SLC27A2: variants seen among roughly 807,000 people sequenced by gnomAD.
The protein encoded by SLC27A2 is long-chain fatty acid transport protein 2.
In SLC27A2, 54 loss-of-function variants were observed where a neutral mutation model predicts 60.0. That is an observed-to-expected ratio of 0.90 (90% confidence interval 0.72 to 1.13). The LOEUF (loss-of-function observed/expected upper bound fraction) is 1.13, where lower values mean the gene tolerates loss of function less well. Ranked by LOEUF, SLC27A2 falls within the 50% of genes most tolerant of loss-of-function variation. The pLI, the probability that SLC27A2 is intolerant of heterozygous loss-of-function variation, is 0.00. For missense variants in SLC27A2, 739 were observed against 777.6 expected (o/e 0.95, Z 0.59); for synonymous variants, 297 against 297.6 (o/e 1.00, Z 0.02).
At chr15:50,201,238 C>A (rs924602640) in intron 2 of SLC27A2, among the ~76,000 whole-genome samples, 1 of 152,168 alleles carries the variant, frequency 6.6e-6, no homozygotes, top group Non-Finnish European at 1.5e-5. Context: ...CCTGCCTCAG[C>A]CTCCCAAATT....
intron 3 of SLC27A2, among the ~76,000 whole-genome samples, chr15:50,204,680 T>C (rs896239891): frequency 1.3e-5 from 2 of 148,490 alleles, no homozygotes; most frequent in Non-Finnish European, 3.0e-5. Context: ...TTGCAGTGAG[T>C]CGAGATGGCA....
chr15:50,227,584 G>A (rs928779462), intron 7 of SLC27A2, among the ~76,000 whole-genome samples: 5 of 152,268 alleles, frequency 3.3e-5, no homozygotes, highest in South Asian at 2.1e-4. Flanking sequence ...TGAGGGGTTC[G>A]GAGCCCCTTC....
chr15:50,221,528 G>A (rs1435405259), intron 4 of SLC27A2, among the ~76,000 whole-genome samples: 1 of 152,212 alleles, frequency 6.6e-6, no homozygotes, highest in East Asian at 1.9e-4. Flanking sequence ...CCAATTCAGA[G>A]TTTGCCTTGG....
intron 4 of SLC27A2, among the ~76,000 whole-genome samples, chr15:50,217,568 G>A (rs979885328): frequency 1.3e-5 from 2 of 152,096 alleles, no homozygotes; most frequent in Admixed American, 1.3e-4. Flanking sequence ...AAAGACATTG[G>A]ACATGGGCTC....
rs754142768 is a variant in SLC27A2, at chr15:50,182,870, AGTGCTGCGGGGCGAAG to A, written c.451_466del (p.Gly151TrpfsTer27). ...GCGAAGTCCCTGCTGCACTGCTTCCAGTGCTGCGGGGCGAAGGTGCTGCTGGTGTCGCCAGGTGAGC... is the reference window on the plus strand; with the variant it reads ...GCGAAGTCCCTGCTGCACTGCTTCCAGTGCTGCTGGTGTCGCCAGGTGAGC... On this transcript the variant is annotated frameshift_variant, in exon 1 of 10. Coordinates refer to ENST00000267842, the MANE Select transcript of SLC27A2 (RefSeq NM_003645.4). LOFTEE classifies it high-confidence loss of function. 3 of 1,612,010 alleles carry A rather than the reference AGTGCTGCGGGGCGAAG, an allele frequency of 1.9e-6. No individual in the cohort carries two copies. The highest frequency in any genetic ancestry group is 1.7e-6 in the Non-Finnish European group (2 of 1,179,516).
chr15:50,223,539 T>A (rs1189591254), intron 5 of SLC27A2, among the ~76,000 whole-genome samples: 3 of 107,850 alleles, frequency 2.8e-5, no homozygotes, highest in Non-Finnish European at 4.2e-5. Context: ...ACCTGGGGAG[T>A]TTTTTTTATA....
At position 50,182,748 on chromosome 15, in the gene SLC27A2, G is replaced by A. The variant is rs774980493; in HGVS notation, c.321G>A (p.Val107=). ...TCGGCCTGCGCCAGGGAGACTGCGT[G>A]GCGCTCCTTATGGGTAACGAGCCGG... ...DHLGLRQGDC[V]ALLMGNEPAY... The change falls in exon 1 of 10, where the codon GTG becomes GTA. Residue 107 remains valine (V), a synonymous_variant. Transcript: ENST00000267842. 3.7e-6 allele frequency: 6 copies of A among 1,613,844 alleles called. No homozygotes were observed. In the African/African-American group the frequency reaches 5.3e-5, roughly 14 times the overall value.
chr15:50,193,125 C>T (rs1353802698), intron 1 of SLC27A2, among the ~76,000 whole-genome samples: 1 of 152,178 alleles, frequency 6.6e-6, no homozygotes. Context: ...TTTGCATAAG[C>T]CGTTCCACTG....
At chr15:50,233,642 A>C (rs1312876616) in intron 8 of SLC27A2, among the ~76,000 whole-genome samples, 2 of 152,234 alleles carry the variant, frequency 1.3e-5, no homozygotes, top group South Asian at 2.1e-4. Flanking sequence ...TCAATACAAC[A>C]CACTTAGTAT....
At chr15:50,212,959 A>G (rs1418344613) in intron 4 of SLC27A2, among the ~76,000 whole-genome samples, 1 of 152,230 alleles carries the variant, frequency 6.6e-6, no homozygotes, top group Non-Finnish European at 1.5e-5. Context: ...TCACATTTCA[A>G]TACTAACATT....
rs916206709 is a variant in SLC27A2 at position 50,227,254 on chromosome 15, A to G, written c.1457+76A>G. On this transcript the variant is annotated intron_variant, in intron 7 of 9. Coordinates refer to ENST00000267842, the MANE Select transcript of SLC27A2 (RefSeq NM_003645.4). ...CTTACTCCTAGTGGAATCGCATTCC[A>G]CTTTGGTTATGGTGCATTTCCTTCT... The G allele has an allele frequency of 2.6e-6, 3 of 1,147,908 alleles. No individual in the cohort carries two copies. In the African/African-American group the frequency reaches 4.6e-5, roughly 18 times the overall value. The allele number at this position is 1,147,908 out of a possible 1,614,324, so 71.1% of individuals were successfully genotyped here. A position where few individuals can be genotyped will look rare whatever the true frequency, so the allele number is the denominator to read the frequency against.
At chr15:50,207,560 C>T (rs8028692) in intron 4 of SLC27A2, among the ~76,000 whole-genome samples, 101,154 of 151,728 alleles carry the variant, frequency 0.67, 34,738 homozygotes, top group East Asian at 0.77. Context: ...GAGGTAGAGG[C>T]GGGCAGATCA....
intron 4 of SLC27A2, among the ~76,000 whole-genome samples, chr15:50,220,164 T>C (rs2045232534): frequency 6.6e-6 from 1 of 152,178 alleles, no homozygotes; most frequent in Admixed American, 6.5e-5. Flanking sequence ...GTGTTGTGAT[T>C]ATGAGCTCAG....
chr15:50,213,147 GTAGCTATTCC>G (rs1158217027), intron 4 of SLC27A2, among the ~76,000 whole-genome samples: 1 of 152,164 alleles, frequency 6.6e-6, no homozygotes, highest in Admixed American at 6.5e-5. Context: ...GTGAGCAGAG[GTAGCTATTCC>G]TATATCAGAC....
intron 1 of SLC27A2, among the ~76,000 whole-genome samples, chr15:50,191,298 C>G (rs764057693): frequency 9.2e-5 from 14 of 152,212 alleles, no homozygotes; most frequent in Non-Finnish European, 2.1e-4. Context: ...TGCTTTAGGA[C>G]TGACGGACTC....
intron 5 of SLC27A2, among the ~76,000 whole-genome samples, chr15:50,224,907 G>A (rs905814818): frequency 6.6e-6 from 1 of 152,020 alleles, no homozygotes; most frequent in African/African-American, 2.4e-5. Flanking sequence ...CTGCTGCTGA[G>A]GGTCAGCTAA....
intron 4 of SLC27A2, among the ~76,000 whole-genome samples, chr15:50,219,326 A>G (rs922477917): frequency 1.3e-5 from 2 of 152,242 alleles, no homozygotes; most frequent in African/African-American, 4.8e-5. Context: ...GGGTGGGAAC[A>G]GGTAGATGGC....
chr15:50,212,126 T>C (rs1432737804), intron 4 of SLC27A2, among the ~76,000 whole-genome samples: 1 of 151,128 alleles, frequency 6.6e-6, no homozygotes. Context: ...TCAGGAAACT[T>C]TGGACACACT....
chr15:50,203,723 C>T (rs1052494909), intron 3 of SLC27A2, among the ~76,000 whole-genome samples: 1 of 151,976 alleles, frequency 6.6e-6, no homozygotes. Flanking sequence ...GAAATCCTAA[C>T]CCCCAATATG....
Sources: allele counts gnomAD v4.1 joint callset (sites outside exome capture counted in the v4.1 genomes callset), GRCh38; gene constraint gnomAD v4.1.1; transcripts MANE v1.5; gene names NCBI Gene and HGNC (gene_info 2026-07-23, HGNC 2026-07-21).